ATF3: variants seen among roughly 807,000 people sequenced by gnomAD.
The protein encoded by ATF3 is activating transcription factor 3.
In ATF3, 10 loss-of-function variants were observed where a neutral mutation model predicts 18.4. The ratio of observed to expected loss-of-function variants is 0.54; its 90% CI spans 0.34 to 0.92. ATF3 has a LOEUF of 0.92. ATF3 is among the 40% of genes least tolerant of loss of function. ATF3 has a pLI of 0.02. For missense variants in ATF3, 183 were observed against 222.3 expected, an observed-to-expected ratio of 0.82 and a Z score of 1.12; for synonymous variants, 78 against 87.9, an observed-to-expected ratio of 0.89 and a Z score of 0.63.
At chr1:212,588,395 A>C (rs1401469158) in intron 1 of ATF3, among the ~76,000 whole-genome samples, 1 of 152,128 alleles carries the variant, frequency 6.6e-6, no homozygotes, top group Non-Finnish European at 1.5e-5. Flanking sequence ...AAAGAATCAC[A>C]TCTCGTCACC....
At chr1:212,596,058 G>A (rs1160066887) in intron 1 of ATF3, among the ~76,000 whole-genome samples, 1 of 152,208 alleles carries the variant, frequency 6.6e-6, no homozygotes, top group Non-Finnish European at 1.5e-5. Context: ...TGACTGTGGG[G>A]TGTGGCCCCA....
chr1:212,596,168 T>C (rs978909103), intron 1 of ATF3, among the ~76,000 whole-genome samples: 1 of 152,262 alleles, frequency 6.6e-6, no homozygotes, highest in African/African-American at 2.4e-5. Flanking sequence ...AAATAGTTTA[T>C]ATTTTTTAAA....
At chr1:212,580,929 C>T (rs1347675510) in intron 1 of ATF3, among the ~76,000 whole-genome samples, 7 of 152,118 alleles carry the variant, frequency 4.6e-5, no homozygotes, top group African/African-American at 7.2e-5. Context: ...CCACCATGCC[C>T]GGCTAATTTT....
intron 1 of ATF3, among the ~76,000 whole-genome samples, chr1:212,589,960 G>GTGAAGC (rs1195530360): frequency 6.6e-6 from 1 of 152,108 alleles, no homozygotes; most frequent in Non-Finnish European, 1.5e-5. Flanking sequence ...GGATGTAACA[G>GTGAAGC]TGAAGCTGAG....
At position 212,618,013 on chromosome 1, in the gene ATF3, T is replaced by TTAGCGC. The variant is rs1655205383; in HGVS notation, c.241-109_241-104dup. The TTAGCGC allele has an allele frequency of 2.0e-6, 2 of 999,882 alleles. No individual in the cohort carries two copies. The highest frequency in any genetic ancestry group is 3.1e-6 in the Non-Finnish European group (2 of 652,254). 61.9% of individuals were successfully genotyped at this position (999,882 alleles called of 1,614,324 possible). ...TAGAGCTTTAGTATTTCGGGGTCTT[T>TTAGCGC]TAGCGCTAGCATTGCCCTTGTCTGC... On this transcript the variant is annotated intron_variant, in intron 2 of 3. Transcript: ENST00000341491. This position sits in a 1 kb window ranked among gnomAD's most constrained non-coding sequence, Gnocchi z 4.4.
chr1:212,606,020 C>A (rs965133708), upstream of ATF3, among the ~76,000 whole-genome samples: 3 of 152,308 alleles, frequency 2.0e-5, no homozygotes, highest in African/African-American at 7.2e-5. Context: ...CATGGCACTG[C>A]CTGTGTGTGT....
At chr1:212,617,000 A>T (rs531610604) in intron 2 of ATF3, among the ~76,000 whole-genome samples, 1 of 152,202 alleles carries the variant, frequency 6.6e-6, no homozygotes, top group South Asian at 2.1e-4. Context: ...GTGAGTCTGG[A>T]GTTCAGAGGA....
intron 1 of ATF3, among the ~76,000 whole-genome samples, chr1:212,577,047 T>A (rs982026989): frequency 3.9e-5 from 6 of 152,144 alleles, no homozygotes; most frequent in African/African-American, 1.2e-4. Context: ...AAAATATTCT[T>A]TAGTAGTTCT....
chr1:212,605,929 T>G (rs1654611143), upstream of ATF3, among the ~76,000 whole-genome samples: 1 of 152,204 alleles, frequency 6.6e-6, no homozygotes, highest in Admixed American at 6.5e-5. Context: ...AGCCAGGGCT[T>G]CCTTCTAAGG....
intron 2 of ATF3, 77 bp downstream of exon 2, chr1:212,615,338 C>T: frequency 1.3e-6 from 2 of 1,529,480 alleles, no homozygotes; most frequent in Non-Finnish European, 1.8e-6. Context: ...ATGTTCTAGG[C>T]AGGGGGCTGT....
rs57512671 is a variant in ATF3 at position 212,576,721 on chromosome 1, C to CTTTTTTTTTTTTTT, written c.-5+11249_-5+11262dup. On this transcript the variant is annotated intron_variant, in intron 1 of 3. Coordinates refer to the ATF3 transcript ENST00000366981. ...AAAAAATATTCTTTTCTTTTCTTTT[C>CTTTTTTTTTTTTTT]TTTTTTTTTTTTTTTTTTTTTTTTG... Among the ~76,000 whole-genome samples, 425 of 57,340 alleles carry CTTTTTTTTTTTTTT rather than the reference C, an allele frequency of 7.4e-3. 17 individuals are homozygous for CTTTTTTTTTTTTTT. Among genetic ancestry groups the CTTTTTTTTTTTTTT allele is most frequent in the Admixed American group, 9.8e-3 (33 of 3,356 alleles). The allele number at this position is 57,340 out of a possible 152,430, so 37.6% of individuals were successfully genotyped here.
chr1:212,567,982 C>A (rs1424735253), intron 1 of ATF3, among the ~76,000 whole-genome samples: 7 of 152,208 alleles, frequency 4.6e-5, no homozygotes, highest in African/African-American at 1.7e-4. Flanking sequence ...ACTTTCTTTG[C>A]CTATGTCAGA....
chr1:212,604,982 T>TTC (rs1199849538), upstream of ATF3, among the ~76,000 whole-genome samples: 1 of 152,164 alleles, frequency 6.6e-6, no homozygotes, highest in African/African-American at 2.4e-5. Flanking sequence ...CCCTCTTGAT[T>TTC]GTCATTCCTG....
chr1:212,614,904 A>G, intron 1 of ATF3, 114 bp from the exon 2 acceptor site: 1 of 1,589,736 alleles, frequency 6.3e-7, no homozygotes, highest in Non-Finnish European at 8.6e-7. Flanking sequence ...CCAAGGGCTT[A>G]TGGGACTTTT....
chr1:212,565,828 C>T (rs1159453095), intron 1 of ATF3, among the ~76,000 whole-genome samples: 1 of 152,180 alleles, frequency 6.6e-6, no homozygotes, highest in Non-Finnish European at 1.5e-5. Flanking sequence ...CAGGATGAAA[C>T]CGTGGTTTGG....
chr1:212,618,739 G>C lies in ATF3; in HGVS notation c.348+505G>C. Reference sequence around the variant, plus strand: ...GCTTAGCCAGTAAGCTGAGCCCCTGGCTGCGTTCAGCCGGCCCGCCTGAGA... The same window carrying C: ...GCTTAGCCAGTAAGCTGAGCCCCTGCCTGCGTTCAGCCGGCCCGCCTGAGA... On this transcript the variant is annotated intron_variant, in intron 3 of 3. Coordinates refer to ENST00000341491, the MANE Select transcript of ATF3 (RefSeq NM_001674.4). This position sits in a 1 kb window ranked among gnomAD's most constrained non-coding sequence, Gnocchi z 4.4. 2.0e-6 allele frequency: 1 copy of C among 493,730 alleles called. No homozygotes were observed. The highest frequency in any genetic ancestry group is 3.7e-6 in the Non-Finnish European group (1 of 271,458). 30.6% of individuals were successfully genotyped at this position (493,730 alleles called of 1,614,324 possible). A position where few individuals can be genotyped will look rare whatever the true frequency, so the allele number is the denominator to read the frequency against.
chr1:212,578,791 TCTC>T (rs778457105), intron 1 of ATF3, among the ~76,000 whole-genome samples: 15 of 152,076 alleles, frequency 9.9e-5, no homozygotes, highest in Non-Finnish European at 2.1e-4. Context: ...CCCTCCTTCT[TCTC>T]CACTATTGCA....
At chr1:212,576,541 T>C (rs1285286334) in intron 1 of ATF3, among the ~76,000 whole-genome samples, 1 of 151,824 alleles carries the variant, frequency 6.6e-6, no homozygotes, top group Non-Finnish European at 1.5e-5. Flanking sequence ...TATTTGTTTA[T>C]TCATTTTGCT....
chr1:212,607,652 C>T (rs980971423), upstream of ATF3, among the ~76,000 whole-genome samples: 26 of 152,238 alleles, frequency 1.7e-4, no homozygotes, highest in African/African-American at 6.3e-4. Context: ...GTCCAATCGG[C>T]TCTGGGAGCA....
Sources: allele counts gnomAD v4.1 joint callset (sites outside exome capture counted in the v4.1 genomes callset), GRCh38; gene constraint gnomAD v4.1.1; non-coding constraint Gnocchi (gnomAD v3.1); transcripts MANE v1.5; gene names NCBI Gene and HGNC (gene_info 2026-07-23, HGNC 2026-07-21).